The following TTN variants were observed in gnomAD, a reference collection of about 807,000 sequenced individuals.
TTN encodes titin.
In TTN, 1,525 loss-of-function variants were observed where a neutral mutation model predicts 3,223.0. The observed-to-expected ratio is 0.47, with a 90% confidence interval of 0.45 to 0.49. TTN has a LOEUF of 0.49. Ranked by LOEUF, TTN falls within the 20% of genes least tolerant of loss-of-function variation. TTN has a pLI of 0.00. For synonymous variants in TTN, 14,094 were observed against 15,161.0 expected, an observed-to-expected ratio of 0.93 and a Z score of 5.17; for missense variants, 40,786 against 43,424.0, an observed-to-expected ratio of 0.94 and a Z score of 5.40.
In TTN at chr2:178,536,499, A is replaced by G. The variant is rs1691565498; in HGVS notation, c.100248T>C (p.Pro33416=). ...TAATCTTTGCACCTCCATCACTGGC[A>G]GGTGGCTTCCAGGCCACAACACAAG... is the stretch of plus-strand genomic sequence containing the variant. ...KDSCVVAWKP[P]ASDGGAKIRN... Residue 33416 remains proline, a synonymous_variant, in exon 357 of 363, where the codon CCT becomes CCC. Coordinates refer to ENST00000589042, the MANE Select transcript of TTN (RefSeq NM_001267550.2). The G allele has an allele frequency of 1.3e-6, 2 of 1,564,518 alleles. No homozygotes were observed. The highest frequency in any genetic ancestry group is 1.7e-6 in the Non-Finnish European group (2 of 1,155,936).
chr2:178,757,541 C>T lies in TTN; in HGVS notation c.10678+1G>A, dbSNP rs1432441250. On this transcript the variant is annotated splice_donor_variant, in intron 45 of 362. Transcript: ENST00000589042. LOFTEE classifies it high-confidence loss of function. Reference sequence around the variant, plus strand: ...AGTCCTTGAAGCAAGATGGGCTTTACCTTTTGGAGTCACTGTGAGTGTAGC... The same window carrying T: ...AGTCCTTGAAGCAAGATGGGCTTTATCTTTTGGAGTCACTGTGAGTGTAGC... 6.4e-7 allele frequency: 1 copy of T among 1,553,080 alleles called. No homozygotes were observed. The highest frequency in any genetic ancestry group is 1.9e-5 in the Admixed American group (1 of 53,330).
Position 178,599,308 on chromosome 2 carries a change from T to C in TTN, c.56485A>G (p.Arg18829Gly). The C allele has an allele frequency of 6.2e-7, 1 of 1,609,892 alleles. No individual in the cohort carries two copies. The highest frequency in any genetic ancestry group is 1.1e-5 in the South Asian group (1 of 90,140). Residue 18829 changes from arginine to glycine, a missense_variant, in exon 290 of 363, where the codon AGG (arginine) becomes GGG (glycine). Coordinates refer to ENST00000589042, the MANE Select transcript of TTN (RefSeq NM_001267550.2). ...NYVIEKREAN[R>G]KTWVHVSSEP... The stretch of plus-strand genomic sequence containing the variant: ...CTGGAGACATGGACCCATGTCTTCC[T>C]GTTAGCTTCTCTTTTCTCAATTACA...
rs1465981369 is a variant in TTN, at chr2:178,802,358, A to G, written c.92-17T>C. The G allele has an allele frequency of 8.1e-6, 13 of 1,609,994 alleles. No homozygotes were observed. The highest frequency in any genetic ancestry group is 1.1e-5 in the Non-Finnish European group (13 of 1,177,740). On this transcript the variant is annotated splice_polypyrimidine_tract_variant and intron_variant, in intron 2 of 362. Transcript: ENST00000589042. ...CTGGAAAACCTGAAGAGCAAGAACA[A>G]TTCACCTTTATGTTTGAATGGGCAC... is the stretch of plus-strand genomic sequence containing the variant.
intron 278 of TTN, among the ~76,000 whole-genome samples, 195 bp downstream of exon 278, chr2:178,606,826 C>T (rs1309415462): frequency 6.6e-6 from 1 of 151,948 alleles, no homozygotes; most frequent in East Asian, 1.9e-4. Flanking sequence ...AATATACTTA[C>T]AGCCACAAAT....
rs558384365 is a variant in TTN, at chr2:178,640,530, T to C, written c.40723+11A>G. On this transcript the variant is annotated intron_variant, in intron 221 of 362. Transcript: ENST00000589042. ...TTTTAGAGACAACTAAGAATGACAGTAGATTTGTACCTTTTGTTGGTTCAG... is the reference window on the plus strand; with the variant it reads ...TTTTAGAGACAACTAAGAATGACAGCAGATTTGTACCTTTTGTTGGTTCAG... 6.3e-7 allele frequency: 1 copy of C among 1,599,856 alleles called. No homozygotes were observed. The highest frequency in any genetic ancestry group is 2.3e-5 in the East Asian group (1 of 44,322).
At position 178,776,895 on chromosome 2, in the gene TTN, C is replaced by G. The variant is rs2092284268; in HGVS notation, c.4969G>C (p.Glu1657Gln). 1 of 1,612,782 alleles carries G rather than the reference C, an allele frequency of 6.2e-7. No individual in the cohort carries two copies. Among genetic ancestry groups the G allele is most frequent in the Non-Finnish European group, 8.5e-7 (1 of 1,179,436 alleles). The change falls in exon 28 of 363, where the codon GAG (glutamate) becomes CAG (glutamine). Residue 1657 changes from glutamate (E) to glutamine (Q), a missense_variant. By Grantham distance (29) the Glu-to-Gln change is conservative. Transcript: ENST00000589042. ...VEVEFAEPEP[E>Q]RKLIIPRGTY... Reference sequence around the variant, plus strand: ...CCCCGTGGGATGATTAACTTTCTCTCTGGCTCAGGCTCTGCAAACTCAACT... The same window carrying G: ...CCCCGTGGGATGATTAACTTTCTCTGTGGCTCAGGCTCTGCAAACTCAACT...
rs536960602 is a variant in TTN at position 178,802,094 on chromosome 2, G to A, written c.295+44C>T. 6.0e-5 allele frequency: 96 copies of A among 1,608,012 alleles called. No homozygotes were observed. In the South Asian group the frequency reaches 1.0e-3, roughly 17 times the overall value. Reference sequence around the variant, plus strand: ...ACTCCTTTCCCAATTTGCTGGAGATGTCCTCTGGGGGAGCAGAGGATTGGC... The same window carrying A: ...ACTCCTTTCCCAATTTGCTGGAGATATCCTCTGGGGGAGCAGAGGATTGGC... On this transcript the variant is annotated intron_variant, in intron 3 of 362. Coordinates refer to ENST00000589042, the MANE Select transcript of TTN (RefSeq NM_001267550.2).
chr2:178,726,935 A>C, intron 69 of TTN, 155 bp downstream of exon 69: 1 of 749,964 alleles, frequency 1.3e-6, no homozygotes, highest in Non-Finnish European at 1.9e-6. Flanking sequence ...AAATTCAAGA[A>C]GGAAACCATC....
chr2:178,766,011 C>T lies in TTN; in HGVS notation c.9703+370G>A, dbSNP rs550012209. Among the ~76,000 whole-genome samples, 4 of 152,268 alleles carry T rather than the reference C, an allele frequency of 2.6e-5. No individual in the cohort carries two copies. In the East Asian group the frequency reaches 7.7e-4, roughly 29 times the overall value. ...TCCATATCAGAGGCTGGAAACACCC[C>T]TTTCACTTGGTAGTGCTGCTAGGAC... On this transcript the variant is annotated intron_variant, in intron 41 of 362. Coordinates refer to ENST00000589042, the MANE Select transcript of TTN (RefSeq NM_001267550.2).
chr2:178,622,543 ATTATCT>A (rs2058450213), intron 243 of TTN, 121 bp downstream of exon 243: 1 of 692,818 alleles, frequency 1.4e-6, no homozygotes, highest in African/African-American at 1.8e-5. Context: ...TTATACTACA[ATTATCT>A]TTAAAAGTAA....
At position 178,553,041 on chromosome 2, in the gene TTN, G is replaced by C; in HGVS notation, c.89859C>G (p.Leu29953=). 6.2e-7 allele frequency: 1 copy of C among 1,612,080 alleles called. No homozygotes were observed. ...KHVSRGTVTL[L]WDPPLIDGGS... ...CTCCATCAATGAGAGGAGGATCCCA[G>C]AGCAAAGTGACTGTGCCTCGAGAAA... Residue 29953 remains leucine (L), a synonymous_variant, in exon 335 of 363, where the codon CTC becomes CTG. Transcript: ENST00000589042.
In TTN at chr2:178,550,297, T is replaced by C. The variant is rs761672380; in HGVS notation, c.91565-24A>G. 4 of 1,573,748 alleles carry C rather than the reference T, an allele frequency of 2.5e-6. No homozygotes were observed. The East Asian group carries it at 9.0e-5, about 35-fold the overall frequency. The stretch of plus-strand genomic sequence containing the variant: ...AACTATAAAAGAAAGAGAAATACTA[T>C]GTATTAGTTTGGCTTAATAAAGACA... On this transcript the variant is annotated intron_variant, in intron 336 of 362. Coordinates refer to ENST00000589042, the MANE Select transcript of TTN (RefSeq NM_001267550.2).
intron 149 of TTN, 108 bp downstream of exon 149, chr2:178,675,563 T>G: frequency 1.1e-6 from 1 of 886,214 alleles, no homozygotes; most frequent in Non-Finnish European, 1.5e-6. Context: ...ATGACGAATG[T>G]GAATGACAGA....
chr2:178,682,993 T>G, intron 134 of TTN, 90 bp from the exon 135 acceptor site: 1 of 1,308,374 alleles, frequency 7.6e-7, no homozygotes, highest in South Asian at 1.4e-5. Flanking sequence ...TTTATTCTTT[T>G]GCGTTTGTTT....
rs767279296 is a variant in TTN at position 178,578,947 on chromosome 2, C to T, written c.68083G>A (p.Ala22695Thr). The T allele has an allele frequency of 4.4e-5, 71 of 1,613,118 alleles. No homozygotes were observed. Among genetic ancestry groups the T allele is most frequent in the South Asian group, 6.6e-5 (6 of 91,076 alleles). The change falls in exon 320 of 363, where the codon GCC becomes ACC. Residue 22695 changes from alanine (A) to threonine (T), a missense_variant. By Grantham distance (58) the Ala-to-Thr change is moderately conservative (BLOSUM62 0). Coordinates refer to ENST00000589042, the MANE Select transcript of TTN (RefSeq NM_001267550.2). ...DSVNNKWVTC[A>T]SAVQKTTFRV... is the part of the protein sequence containing the mutation. ...AAGGTGGTTTTCTGGACAGCTGAGG[C>T]GCACGTCACCCACTTGTTGTTCACA...
intron 220 of TTN, among the ~76,000 whole-genome samples, chr2:178,641,029 A>C (rs1016660376): frequency 2.0e-5 from 3 of 151,980 alleles, no homozygotes; most frequent in Non-Finnish European, 2.9e-5. Context: ...AGTAATGATA[A>C]GAATGAAGTG....
In TTN at chr2:178,757,805, G is replaced by A; in HGVS notation, c.10415C>T (p.Ser3472Leu). 1 of 1,612,198 alleles carries A rather than the reference G, an allele frequency of 6.2e-7. No homozygotes were observed. Among genetic ancestry groups the A allele is most frequent in the South Asian group, 1.1e-5 (1 of 90,804 alleles). Residue 3472 changes from serine (S) to leucine (L), a missense_variant, in exon 45 of 363, where the codon TCA becomes TTA. Coordinates refer to ENST00000589042, the MANE Select transcript of TTN (RefSeq NM_001267550.2). ...GQKPSFIQPLSSLRVHNGETV... is the reference protein window; with the variant it reads ...GQKPSFIQPLLSLRVHNGETV... ...CTCCCCGTTGTGCACCCTGAGGCTT[G>A]ACAGAGGCTGGATGAAGCTGGGCTT...
rs2065825970 is a variant in TTN, at chr2:178,665,785, T to A, written c.35882A>T (p.Glu11961Val). ...TACAGGGACAATTTCTCGAGGTGAT[T>A]CAGGCACTTTAAAGATATGAATGCA... ...RRKTPSPTVP[E>V]SPREIVPVKE... is the part of the protein sequence containing the mutation. Residue 11961 changes from glutamate (E) to valine (V), a missense_variant, in exon 164 of 363, where the codon GAA becomes GTA. Physicochemically the swap from Glu to Val is moderately radical, Grantham distance 121. Transcript: ENST00000589042. The A allele has an allele frequency of 7.7e-7, 1 of 1,293,074 alleles. No individual in the cohort carries two copies. The highest frequency in any genetic ancestry group is 9.8e-7 in the Non-Finnish European group (1 of 1,025,142). 80.1% of individuals were successfully genotyped at this position (1,293,074 alleles called of 1,614,324 possible).
In TTN at chr2:178,593,051, T is replaced by C. The variant is rs1305679009; in HGVS notation, c.59068A>G (p.Ile19690Val). The C allele has an allele frequency of 6.2e-7, 1 of 1,613,398 alleles. No homozygotes were observed. The highest frequency in any genetic ancestry group is 2.2e-5 in the East Asian group (1 of 44,738). The change falls in exon 300 of 363, where the codon ATA (isoleucine) becomes GTA (valine). Residue 19690 changes from isoleucine to valine, a missense_variant. Ile to Val is a conservative substitution (Grantham distance 29). Transcript: ENST00000589042. ...KPSPPVNPEA[I>V]DTTCNSVDLT... ...TCGACTGAATTGCATGTTGTATCTA[T>C]TGCTTCAGGATTAACAGGTGGACTT...
Sources: gnomAD v4.1 joint callset for allele counts (sites outside exome capture counted in the v4.1 genomes callset) on GRCh38, gnomAD v4.1.1 for gene constraint, MANE v1.5 for transcripts, NCBI Gene and HGNC (gene_info 2026-07-23, HGNC 2026-07-21) for gene names.